Variants in STIM1 observed in about 807,000 individuals in gnomAD.
The protein encoded by STIM1 is stromal interaction molecule 1.
Under a neutral mutation model 74.7 loss-of-function variants are expected in STIM1, and 25 were observed. That is an observed-to-expected ratio of 0.33 (90% confidence interval 0.24 to 0.47). The LOEUF (loss-of-function observed/expected upper bound fraction) is 0.47. Ranked by LOEUF, STIM1 falls within the 20% of genes least tolerant of loss-of-function variation. STIM1 has a pLI of 1.00. For synonymous variants in STIM1, 328 were observed against 348.8 expected (o/e 0.94, Z 0.66); for missense variants, 728 against 920.8 (o/e 0.79, Z 2.71).
chr11:4,086,145 G>C (rs2094491739), intron 11 of STIM1: 2 of 336,722 alleles, frequency 5.9e-6, no homozygotes, highest in South Asian at 8.8e-5. Context: ...CTGGTTCTTA[G>C]TGCTCTCCCG....
chr11:4,008,054 A>G (rs769051300), intron 2 of STIM1, among the ~76,000 whole-genome samples: 16 of 152,166 alleles, frequency 1.1e-4, no homozygotes, highest in Non-Finnish European at 1.8e-4. Flanking sequence ...TATTTTATAT[A>G]TAGTCATAGG....
intron 5 of STIM1, among the ~76,000 whole-genome samples, chr11:4,064,555 T>C (rs926516287): frequency 6.6e-5 from 10 of 152,202 alleles, no homozygotes; most frequent in Non-Finnish European, 1.3e-4. Context: ...TACTGAGCTA[T>C]AATAAAAATT....
At chr11:3,876,868 G>A (rs778191222) in intron 1 of STIM1, among the ~76,000 whole-genome samples, 1 of 152,130 alleles carries the variant, frequency 6.6e-6, no homozygotes, top group Non-Finnish European at 1.5e-5. Context: ...TATTCACCAG[G>A]AGTAGTGCCT....
intron 12 of STIM1, among the ~76,000 whole-genome samples, chr11:4,087,083 T>C (rs2094498385): frequency 6.6e-6 from 1 of 152,212 alleles, no homozygotes; most frequent in Non-Finnish European, 1.5e-5. Flanking sequence ...GTAACGACTT[T>C]CTTCCCTCAT....
intron 3 of STIM1, among the ~76,000 whole-genome samples, chr11:4,040,746 G>T (rs976992926): frequency 3.3e-5 from 5 of 152,154 alleles, no homozygotes; most frequent in African/African-American, 7.2e-5. Context: ...TAGCACCTAG[G>T]TTCTCTTACT....
rs556600253 is a variant in STIM1, at chr11:3,923,506, G to T, written c.140-44046G>T. 2.0e-5 allele frequency among the ~76,000 whole-genome samples: 3 copies of T among 152,064 alleles called. No individual in the cohort carries two copies. In the East Asian group the frequency reaches 5.8e-4, roughly 29 times the overall value. ...CGCCTGTAATCCCAGCTACTTGGGA[G>T]GCTGAGGCATGAGAATTGCTTGAAG... On this transcript the variant is annotated intron_variant, in intron 1 of 12. Coordinates refer to ENST00000526596, the MANE Select transcript of STIM1 (RefSeq NM_001382567.1).
At chr11:3,989,458 G>A (rs1264363676) in intron 2 of STIM1, 2 of 693,966 alleles carry the variant, frequency 2.9e-6, no homozygotes, top group African/African-American at 3.5e-5. Flanking sequence ...CTTGCTCTTA[G>A]GCATCCTGGC....
At chr11:3,952,873 T>A (rs549159567) in intron 1 of STIM1, among the ~76,000 whole-genome samples, 8 of 152,332 alleles carry the variant, frequency 5.3e-5, no homozygotes, top group Admixed American at 5.2e-4. Context: ...TCTGAAGCCC[T>A]ATGGGAAACC....
intron 10 of STIM1, 160 bp downstream of exon 10, chr11:4,083,658 T>G (rs1474854956): frequency 7.1e-6 from 5 of 708,290 alleles, no homozygotes; most frequent in African/African-American, 1.8e-5. Context: ...TCAGGTTATT[T>G]CTTTATAGTT....
intron 3 of STIM1, among the ~76,000 whole-genome samples, chr11:4,034,720 T>G (rs2094084677): frequency 6.6e-6 from 1 of 152,194 alleles, no homozygotes; most frequent in African/African-American, 2.4e-5. Flanking sequence ...TTGATAGAAT[T>G]CAGCAGTGAA....
At chr11:3,978,444 G>A (rs921119950) in intron 2 of STIM1, among the ~76,000 whole-genome samples, 5 of 148,732 alleles carry the variant, frequency 3.4e-5, no homozygotes, top group South Asian at 2.2e-4. Flanking sequence ...CACCACGCCC[G>A]GCGCCTGTGT....
chr11:4,073,794 G>T (rs1273137687), intron 6 of STIM1, among the ~76,000 whole-genome samples: 1 of 152,110 alleles, frequency 6.6e-6, no homozygotes, highest in African/African-American at 2.4e-5. Context: ...AGATACTTAG[G>T]AAAGGAACTC....
chr11:3,964,217 A>G (rs1190566420), intron 1 of STIM1, among the ~76,000 whole-genome samples: 1 of 152,206 alleles, frequency 6.6e-6, no homozygotes, highest in African/African-American at 2.4e-5. Context: ...TGCTAAATGC[A>G]TGGCTCTTTG....
intron 1 of STIM1, among the ~76,000 whole-genome samples, chr11:3,936,435 A>G (rs1439281205): frequency 6.6e-6 from 1 of 152,206 alleles, no homozygotes; most frequent in Non-Finnish European, 1.5e-5. Flanking sequence ...TGAGATAGCC[A>G]TCTCAGTACC....
chr11:4,090,233 T>C (rs919227740), intron 12 of STIM1, among the ~76,000 whole-genome samples: 8 of 152,204 alleles, frequency 5.3e-5, no homozygotes, highest in Non-Finnish European at 8.8e-5. Context: ...AACAGTCTTG[T>C]AAGATAAATT....
chr11:3,956,693 C>T (rs911275486), intron 1 of STIM1, among the ~76,000 whole-genome samples: 3 of 151,850 alleles, frequency 2.0e-5, no homozygotes, highest in Non-Finnish European at 2.9e-5. Context: ...CACAGTGGCT[C>T]ATGCCTGTAA....
At chr11:3,957,936 A>T (rs2093236633) in intron 1 of STIM1, among the ~76,000 whole-genome samples, 1 of 150,972 alleles carries the variant, frequency 6.6e-6, no homozygotes, top group African/African-American at 2.4e-5. Flanking sequence ...CGCAGTCTTG[A>T]CTCACTGCAA....
chr11:4,065,958 T>C (rs2094362799), intron 5 of STIM1, among the ~76,000 whole-genome samples: 1 of 152,192 alleles, frequency 6.6e-6, no homozygotes, highest in Admixed American at 6.5e-5. Flanking sequence ...CAGAAGGTGA[T>C]AATGATTGGA....
chr11:3,951,086 AAT>A (rs1157877335), intron 1 of STIM1, among the ~76,000 whole-genome samples: 2 of 152,206 alleles, frequency 1.3e-5, no homozygotes, highest in African/African-American at 4.8e-5. Context: ...CGCCCTCAGA[AAT>A]CAGATCAGGC....
Sources: gnomAD v4.1 joint callset for allele counts (sites outside exome capture counted in the v4.1 genomes callset) on GRCh38, gnomAD v4.1.1 for gene constraint, MANE v1.5 for transcripts, NCBI Gene and HGNC (gene_info 2026-07-23, HGNC 2026-07-21) for gene names.